Variants in DNAH2 observed in about 807,000 individuals in gnomAD.
DNAH2 encodes the protein dynein axonemal heavy chain 2, also known as axonemal beta dynein heavy chain 2.
Under a neutral mutation model 523.5 loss-of-function variants are expected in DNAH2, and 323 were observed. The observed-to-expected ratio is 0.62, with a 90% CI of 0.56 to 0.68. The LOEUF is 0.68. DNAH2 is among the 30% of genes least tolerant of loss of function. The probability of loss-of-function intolerance (pLI) is 0.00; values close to 1 mark genes in which losing one functional copy is unlikely to be tolerated. For synonymous variants in DNAH2, 2,093 were observed against 2,177.4 expected, an observed-to-expected ratio of 0.96 and a Z score of 1.08; for missense variants, 4,907 against 5,701.5, an observed-to-expected ratio of 0.86 and a Z score of 4.49.
intron 3 of DNAH2, among the ~76,000 whole-genome samples, chr17:7,725,759 T>TA (rs1167086931): frequency 6.7e-6 from 1 of 148,644 alleles, no homozygotes; most frequent in Non-Finnish European, 1.5e-5. Flanking sequence ...AATTTTTTTT[T>TA]ATATTTGCAT....
chr17:7,785,282 T>C (rs2076705140), intron 39 of DNAH2, among the ~76,000 whole-genome samples: 3 of 152,104 alleles, frequency 2.0e-5, no homozygotes. Flanking sequence ...TTTGTATTTT[T>C]AGTAGAGACG....
intron 13 of DNAH2, among the ~76,000 whole-genome samples, chr17:7,758,159 C>T (rs1269962269): frequency 6.6e-6 from 1 of 152,148 alleles, no homozygotes; most frequent in East Asian, 1.9e-4. Context: ...AGTAAATAAA[C>T]TTAAAAATTT....
intron 77 of DNAH2, among the ~76,000 whole-genome samples, chr17:7,827,761 C>T (rs569719592): frequency 1.3e-5 from 2 of 151,360 alleles, no homozygotes; most frequent in South Asian, 4.2e-4. Flanking sequence ...TTTTTTTCTA[C>T]ATGGATAACC....
At chr17:7,818,145 G>C in intron 68 of DNAH2, 49 bp downstream of exon 68, 1 of 1,606,996 alleles carries the variant, frequency 6.2e-7, no homozygotes, top group Non-Finnish European at 8.5e-7. Context: ...AGGGAGGGAA[G>C]GGCTGGCTCT....
chr17:7,723,638 G>A lies in DNAH2; in HGVS notation c.177G>A (p.Leu59=). The change falls in exon 3 of 86, where the codon TTG becomes TTA. Residue 59 remains leucine, a synonymous_variant. Coordinates refer to ENST00000572933, the MANE Select transcript of DNAH2 (RefSeq NM_020877.5). ...GTTTATTCTTCCTAGAGCCACGGTT[G>A]GAGGGACCTCAAGCACAGAGTGAAG... ...ELPKEEPEPR[L]EGPQAQSEES... 1 of 1,613,924 alleles carries A rather than the reference G, an allele frequency of 6.2e-7. No individual in the cohort carries two copies. Among genetic ancestry groups the A allele is most frequent in the Non-Finnish European group, 8.5e-7 (1 of 1,179,924 alleles).
At chr17:7,752,567 G>A (rs2075718473) in intron 12 of DNAH2, among the ~76,000 whole-genome samples, 1 of 152,018 alleles carries the variant, frequency 6.6e-6, no homozygotes, top group African/African-American at 2.4e-5. Context: ...AAAATTAGCG[G>A]GGCGTGGTGG....
chr17:7,823,190 AG>A (rs2077910014), intron 73 of DNAH2, among the ~76,000 whole-genome samples: 1 of 151,708 alleles, frequency 6.6e-6, no homozygotes, highest in Non-Finnish European at 1.5e-5. Context: ...GCTACTCAGG[AG>A]GCTGAGGCAG....
intron 63 of DNAH2, among the ~76,000 whole-genome samples, chr17:7,809,266 T>TCGTCAC (rs2077446469): frequency 2.0e-5 from 3 of 152,168 alleles, no homozygotes; most frequent in African/African-American, 7.2e-5. Context: ...GCTCACTGGC[T>TCGTCAC]CGTCACCGTC....
chr17:7,824,852 T>C, intron 77 of DNAH2, 125 bp downstream of exon 77: 1 of 808,948 alleles, frequency 1.2e-6, no homozygotes, highest in Non-Finnish European at 1.8e-6. Flanking sequence ...TTCCACCTCA[T>C]TCCTCTCCTG....
At position 7,831,530 on chromosome 17, in the gene DNAH2, G is replaced by GCAGACCATCCTGTAAGA. The variant is rs1485480675; in HGVS notation, c.12605_12611+10dup. 9.9e-6 allele frequency: 16 copies of GCAGACCATCCTGTAAGA among 1,614,080 alleles called. No individual in the cohort carries two copies. The highest frequency in any genetic ancestry group is 2.7e-5 in the African/African-American group (2 of 74,914). ...AGATCCAGAGATACAACACACTGAT[G>GCAGACCATCCTGTAAGA]CAGACCATCCTGTAAGACAGAGGGG... On this transcript the variant is annotated stop_gained and frameshift_variant, in exon 81 of 86. Coordinates refer to ENST00000572933, the MANE Select transcript of DNAH2 (RefSeq NM_020877.5). LOFTEE classifies it high-confidence loss of function. This position sits in a 1 kb window ranked among gnomAD's most constrained non-coding sequence, Gnocchi z 4.2.
chr17:7,779,368 T>C lies in DNAH2; in HGVS notation c.5667T>C (p.Asp1889=), dbSNP rs1465173487. ...LAAGLTHFHF[D]GFEINLVWSC... is the part of the protein sequence containing the mutation. ...CCGGCCTCACCCATTTCCATTTTGA[T>C]GGCTTTGAAATAAATCTGGTGTGGT... Residue 1889 remains aspartate, a synonymous_variant, in exon 36 of 86, where the codon GAT becomes GAC. Transcript: ENST00000572933. 6.2e-6 allele frequency: 10 copies of C among 1,614,116 alleles called. No homozygotes were observed. The highest frequency in any genetic ancestry group is 2.2e-5 in the South Asian group (2 of 91,052).
chr17:7,823,632 C>A lies in DNAH2; in HGVS notation c.11329+4C>A, dbSNP rs889235857. On this transcript the variant is annotated splice_donor_region_variant and intron_variant, in intron 74 of 85. Transcript: ENST00000572933. ...CCGGAGAAGGCGATGCTGCCAGGTA[C>A]CAGGCGTCTGTGTCCCACTCTCACT... is the stretch of plus-strand genomic sequence containing the variant. 6.2e-7 allele frequency: 1 copy of A among 1,613,210 alleles called. No homozygotes were observed. Among genetic ancestry groups the A allele is most frequent in the African/African-American group, 1.3e-5 (1 of 74,902 alleles).
At chr17:7,743,486 C>T in intron 12 of DNAH2, 1 of 641,710 alleles carries the variant, frequency 1.6e-6, no homozygotes, top group Non-Finnish European at 2.8e-6. Context: ...GGCAACATGG[C>T]AAAACCCAGT....
rs2078209687 is a variant in DNAH2, at chr17:7,832,524, A to G, written c.12727-55A>G. 1.3e-6 allele frequency: 2 copies of G among 1,580,968 alleles called. No homozygotes were observed. The highest frequency in any genetic ancestry group is 8.6e-7 in the Non-Finnish European group (1 of 1,159,386). ...AACTCTGTCTCTAAATAAATAAATAATACGGATTTGAATGCACGGCTAAAT... is the reference window on the plus strand; with the variant it reads ...AACTCTGTCTCTAAATAAATAAATAGTACGGATTTGAATGCACGGCTAAAT... On this transcript the variant is annotated intron_variant, in intron 82 of 85. Transcript: ENST00000572933. The surrounding 1 kb of genome is among the most constrained non-coding windows in gnomAD (Gnocchi z 4.3).
intron 18 of DNAH2, among the ~76,000 whole-genome samples, chr17:7,761,291 A>G (rs576335182): frequency 6.6e-6 from 1 of 152,168 alleles, no homozygotes; most frequent in South Asian, 2.1e-4. Flanking sequence ...TTGAGACAGG[A>G]TCTTGCTCTG....
chr17:7,722,210 G>A (rs2074636438), intron 2 of DNAH2, among the ~76,000 whole-genome samples: 2 of 150,884 alleles, frequency 1.3e-5, no homozygotes, highest in South Asian at 2.1e-4. Context: ...TCACCATCTT[G>A]GCCAGGCTGG....
chr17:7,749,306 CCCAAAAAAAAAAAAAAAAAAA>C (rs2075608108), intron 12 of DNAH2, among the ~76,000 whole-genome samples: 13 of 3,502 alleles, frequency 3.7e-3, no homozygotes, highest in African/African-American at 8.3e-3. Context: ...TAAACTCCCC[CCCAAAAAAAAAAAAAAAAAAA>C]AAAAAAAAAA....
Position 7,760,777 on chromosome 17 carries a change from C to T in DNAH2, c.2823C>T (p.Ile941=). Reference sequence around the variant, plus strand: ...ACATCAAGAAGATCCAGACCCAAATCAGCAGCGGCATGACTAACAACGCAA... The same window carrying T: ...ACATCAAGAAGATCCAGACCCAAATTAGCAGCGGCATGACTAACAACGCAA... ...DEDIKKIQTQ[I]SSGMTNNASL... is the part of the protein sequence containing the mutation. The change falls in exon 18 of 86, where the codon ATC becomes ATT. Residue 941 remains isoleucine (I), a synonymous_variant. Coordinates refer to ENST00000572933, the MANE Select transcript of DNAH2 (RefSeq NM_020877.5). This position sits in a 1 kb window ranked among gnomAD's most constrained non-coding sequence, Gnocchi z 4.0. The T allele has an allele frequency of 1.2e-6, 2 of 1,614,142 alleles. No homozygotes were observed. The highest frequency in any genetic ancestry group is 1.1e-5 in the South Asian group (1 of 91,080).
Position 7,833,127 on chromosome 17 carries a change from C to T in DNAH2, c.13035C>T (p.Asn4345=), listed in dbSNP as rs374314721. 46 of 1,612,464 alleles carry T rather than the reference C, an allele frequency of 2.9e-5. No homozygotes were observed. The highest frequency in any genetic ancestry group is 4.2e-6 in the Non-Finnish European group (5 of 1,180,032). Residue 4345 remains asparagine (N), a synonymous_variant, in exon 85 of 86, where the codon AAC becomes AAT. Coordinates refer to ENST00000572933, the MANE Select transcript of DNAH2 (RefSeq NM_020877.5). ...AAGGTGCTGGCTGGGACCGGAAGAA[C>T]TCCTGCTTGGTGGAGGCAGAGCCCA... The part of the protein sequence containing the change: ...YLEGAGWDRK[N]SCLVEAEPMQ...
Sources: allele counts gnomAD v4.1 joint callset (sites outside exome capture counted in the v4.1 genomes callset), GRCh38; gene constraint gnomAD v4.1.1; non-coding constraint Gnocchi (gnomAD v3.1); transcripts MANE v1.5; gene names NCBI Gene and HGNC (gene_info 2026-07-23, HGNC 2026-07-21).